Variants in FHIP1A observed in about 807,000 individuals in gnomAD.
The protein encoded by FHIP1A is FHF complex subunit HOOK-interacting protein 1A.
In FHIP1A, 61 loss-of-function variants were observed where a neutral mutation model predicts 88.6. The ratio of observed to expected loss-of-function variants is 0.69; its 90% CI spans 0.56 to 0.85. The LOEUF is 0.85. FHIP1A is among the 40% of genes least tolerant of loss of function. The probability of loss-of-function intolerance (pLI) is 0.00; values close to 1 mark genes in which losing one functional copy is unlikely to be tolerated. For missense variants in FHIP1A, 1,154 were observed against 1,273.5 expected (o/e 0.91, Z 1.43); for synonymous variants, 478 against 496.0 (o/e 0.96, Z 0.48).
intron 7 of FHIP1A, among the ~76,000 whole-genome samples, chr4:151,596,387 TC>T (rs1325896143): frequency 1.3e-5 from 2 of 152,210 alleles, no homozygotes; most frequent in Non-Finnish European, 2.9e-5. Flanking sequence ...TGCAGAGAGA[TC>T]CCCTGTTAGT....
chr4:151,536,543 G>T (rs1471819890), intron 3 of FHIP1A, among the ~76,000 whole-genome samples: 2 of 152,052 alleles, frequency 1.3e-5, no homozygotes, highest in African/African-American at 4.8e-5. Context: ...ATGTTATATA[G>T]GTGGAATCAT....
chr4:151,617,876 ACT>A (rs1413782024), intron 7 of FHIP1A, among the ~76,000 whole-genome samples: 2 of 152,020 alleles, frequency 1.3e-5, no homozygotes, highest in East Asian at 3.9e-4. Context: ...ACAGAGAGAG[ACT>A]CTGTCTTAAA....
rs201662743 is a variant in FHIP1A at position 151,577,518 on chromosome 4, A to G, written c.174A>G (p.Pro58=). 3.9e-3 allele frequency: 6,076 copies of G among 1,551,768 alleles called. 18 individuals carry two copies. The highest frequency in any genetic ancestry group is 4.8e-3 in the Non-Finnish European group (5,543 of 1,146,978). Residue 58 remains proline (P), a synonymous_variant, in exon 5 of 14, where the codon CCA becomes CCG. Coordinates refer to ENST00000435205, the MANE Select transcript of FHIP1A (RefSeq NM_001109977.3). ...AGGCAAAATATGGGTCTATCCCTCC[A>G]GATGAGGCCAGTGCCGTGCAGAATT... The part of the protein sequence containing the change: ...NTQAKYGSIP[P]DEASAVQNYV...
At chr4:151,600,864 A>C (rs1446311417) in intron 7 of FHIP1A, among the ~76,000 whole-genome samples, 1 of 152,316 alleles carries the variant, frequency 6.6e-6, no homozygotes, top group East Asian at 1.9e-4. Flanking sequence ...AAAAGATAGA[A>C]GCTGCTAGTC....
intron 8 of FHIP1A, among the ~76,000 whole-genome samples, chr4:151,630,656 A>T (rs985699926): frequency 8.5e-5 from 13 of 152,214 alleles, no homozygotes; most frequent in African/African-American, 3.1e-4. Flanking sequence ...TTAAAATGTT[A>T]TACTAGAGAA....
chr4:151,504,693 C>T (rs1489147913), intron 3 of FHIP1A, among the ~76,000 whole-genome samples: 1 of 152,150 alleles, frequency 6.6e-6, no homozygotes, highest in African/African-American at 2.4e-5. Context: ...GCGATCTCGG[C>T]TCACTGCAAC....
intron 13 of FHIP1A, among the ~76,000 whole-genome samples, chr4:151,661,133 T>C (rs958815536): frequency 2.6e-5 from 4 of 152,080 alleles, no homozygotes; most frequent in East Asian, 1.9e-4. Context: ...CCAGTCCCCA[T>C]TGGAACGCAG....
In FHIP1A at chr4:151,656,342, C is replaced by T. The variant is rs1021446021; in HGVS notation, c.2662C>T (p.Pro888Ser). ...IITQLASYPQ[P>S]LLRSFLLNTN... ...TACTCAGCTAGCCAGCTACCCCCAGCCACTCCTGCGCTCCTTTCTGCTCAA... is the reference window on the plus strand; with the variant it reads ...TACTCAGCTAGCCAGCTACCCCCAGTCACTCCTGCGCTCCTTTCTGCTCAA... The change falls in exon 12 of 14, where the codon CCA becomes TCA. Residue 888 changes from proline (P) to serine (S), a missense_variant. Physicochemically the swap from Pro to Ser is moderately conservative, Grantham distance 74. Transcript: ENST00000435205. This position sits in a 1 kb window ranked among gnomAD's most constrained non-coding sequence, Gnocchi z 4.2. The T allele has an allele frequency of 1.9e-5, 30 of 1,551,586 alleles. No individual in the cohort carries two copies. The Admixed American group carries it at 4.3e-4, about 22-fold the overall frequency.
chr4:151,651,587 A>G (rs1578864785), intron 11 of FHIP1A, among the ~76,000 whole-genome samples: 1 of 152,214 alleles, frequency 6.6e-6, no homozygotes, highest in South Asian at 2.1e-4. Flanking sequence ...TGAGGACTGA[A>G]TGAGATACTG....
intron 9 of FHIP1A, among the ~76,000 whole-genome samples, chr4:151,643,659 G>A (rs1265540848): frequency 6.6e-6 from 1 of 152,058 alleles, no homozygotes; most frequent in Non-Finnish European, 1.5e-5. Flanking sequence ...CACTTTTGTA[G>A]CTCCCGCGTA....
At chr4:151,568,309 G>A (rs1733468908) in intron 4 of FHIP1A, among the ~76,000 whole-genome samples, 1 of 152,182 alleles carries the variant, frequency 6.6e-6, no homozygotes, top group Non-Finnish European at 1.5e-5. Context: ...ATACTGTTTA[G>A]TTGTTAAATA....
chr4:151,530,304 C>T (rs1165142852), intron 3 of FHIP1A, among the ~76,000 whole-genome samples: 2 of 152,024 alleles, frequency 1.3e-5, no homozygotes, highest in Non-Finnish European at 2.9e-5. Context: ...TATGGTTGCC[C>T]TCAAGCACAT....
At chr4:151,518,574 C>T (rs1731332616) in intron 3 of FHIP1A, among the ~76,000 whole-genome samples, 1 of 151,448 alleles carries the variant, frequency 6.6e-6, no homozygotes, top group Admixed American at 6.6e-5. Flanking sequence ...AAGACCTAAC[C>T]CATCATCCAA....
intron 8 of FHIP1A, among the ~76,000 whole-genome samples, chr4:151,630,344 A>C (rs545598358): frequency 2.5e-4 from 38 of 152,202 alleles, no homozygotes; most frequent in Non-Finnish European, 4.7e-4. Flanking sequence ...GCTCTGATTA[A>C]CTTGAAAAAT....
intron 3 of FHIP1A, among the ~76,000 whole-genome samples, chr4:151,514,402 G>A (rs1469049911): frequency 2.0e-5 from 3 of 151,432 alleles, no homozygotes; most frequent in Non-Finnish European, 2.9e-5. Context: ...AACTAGAGAA[G>A]CAAGAGCAAA....
rs143840003 is a variant in FHIP1A at position 151,670,240 on chromosome 4, C to T, written c.*7486C>T. The T allele has an allele frequency of 1.3e-5, 2 of 152,164 alleles. No homozygotes were observed. Among genetic ancestry groups the T allele is most frequent in the Non-Finnish European group, 2.9e-5 (2 of 67,966 alleles). The allele number at this position is 152,164 out of a possible 1,614,324, so 9.4% of individuals were successfully genotyped here. On this transcript the variant is annotated 3_prime_UTR_variant, in exon 14 of 14. Coordinates refer to ENST00000435205, the MANE Select transcript of FHIP1A (RefSeq NM_001109977.3). The stretch of plus-strand genomic sequence containing the variant: ...AGTGTCGCAAGCACAGGAGTGCAGA[C>T]AGCCCCGCCTTCATCGTGATGCCTG...
chr4:151,431,767 C>T (rs1733602018), intron 1 of FHIP1A, among the ~76,000 whole-genome samples: 1 of 152,156 alleles, frequency 6.6e-6, no homozygotes, highest in African/African-American at 2.4e-5. Context: ...TTGAAATATT[C>T]TGACATGAGT....
intron 3 of FHIP1A, among the ~76,000 whole-genome samples, chr4:151,522,038 T>C (rs1731464552): frequency 3.9e-5 from 6 of 152,208 alleles, no homozygotes; most frequent in Admixed American, 2.6e-4. Context: ...TGTTGGTTAT[T>C]TTTAGCAAAA....
intron 5 of FHIP1A, among the ~76,000 whole-genome samples, chr4:151,583,172 G>A (rs890738227): frequency 1.3e-5 from 2 of 152,214 alleles, no homozygotes; most frequent in African/African-American, 2.4e-5. Flanking sequence ...TGAACTCTGA[G>A]CGCAGTCTAG....
Sources: gnomAD v4.1 joint callset for allele counts (sites outside exome capture counted in the v4.1 genomes callset) on GRCh38, gnomAD v4.1.1 for gene constraint, Gnocchi (gnomAD v3.1) non-coding constraint, MANE v1.5 for transcripts, NCBI Gene and HGNC (gene_info 2026-07-23, HGNC 2026-07-21) for gene names.